Variants in BNC2 observed in about 807,000 individuals in gnomAD.
The protein encoded by BNC2 is basonuclin zinc finger protein 2.
BNC2 carries 20 observed loss-of-function variants against 76.3 expected under a neutral mutation model. That is an observed-to-expected ratio of 0.26 (90% CI 0.18 to 0.38). BNC2 has a LOEUF of 0.38. Among genes scored for constraint, BNC2 ranks in the 10% least tolerant of loss-of-function variants. BNC2 has a pLI of 1.00. For synonymous variants in BNC2, 582 were observed against 514.8 expected, an observed-to-expected ratio of 1.13 and a Z score of -1.77; for missense variants, 1,382 against 1,399.8, an observed-to-expected ratio of 0.99 and a Z score of 0.20.
At chr9:16,715,936 G>C (rs1823985339) in intron 3 of BNC2, among the ~76,000 whole-genome samples, 2 of 152,138 alleles carry the variant, frequency 1.3e-5, no homozygotes, top group African/African-American at 4.8e-5. Context: ...TGGGAAGCAA[G>C]TTTCATTTCA....
intron 3 of BNC2, among the ~76,000 whole-genome samples, chr9:16,695,244 C>T (rs569448691): frequency 3.9e-5 from 6 of 152,246 alleles, no homozygotes; most frequent in South Asian, 2.1e-4. Context: ...GAGCTACTTA[C>T]GTAATTGACT....
chr9:16,710,821 C>A (rs200355141), intron 3 of BNC2, among the ~76,000 whole-genome samples: 1 of 151,932 alleles, frequency 6.6e-6, no homozygotes, highest in East Asian at 1.9e-4. Context: ...ATACCCAGGT[C>A]CTTCATGCAA....
intron 3 of BNC2, among the ~76,000 whole-genome samples, chr9:16,587,825 G>A (rs1372522661): frequency 3.3e-5 from 5 of 152,132 alleles, no homozygotes; most frequent in Admixed American, 3.3e-4. Context: ...ATTCTTTGGA[G>A]TTCAAGTACC....
At chr9:16,797,108 A>G (rs559827492) in intron 1 of BNC2, among the ~76,000 whole-genome samples, 15 of 152,310 alleles carry the variant, frequency 9.8e-5, no homozygotes, top group Non-Finnish European at 2.9e-5. Context: ...CATTTACTAT[A>G]TCTTTCTCAG....
intron 5 of BNC2, among the ~76,000 whole-genome samples, chr9:16,481,575 T>C (rs1163127923): frequency 6.6e-6 from 1 of 152,194 alleles, no homozygotes; most frequent in Non-Finnish European, 1.5e-5. Context: ...CGCGACTTCA[T>C]TCTTGAAGTC....
At chr9:16,434,908 A>G (rs1820974160) in intron 6 of BNC2, 1 of 466,784 alleles carries the variant, frequency 2.1e-6, no homozygotes, top group African/African-American at 2.0e-5. Flanking sequence ...AACCCACACG[A>G]CCATACCATT....
intron 1 of BNC2, among the ~76,000 whole-genome samples, chr9:16,866,890 C>T (rs1273801581): frequency 6.6e-6 from 1 of 152,040 alleles, no homozygotes; most frequent in Admixed American, 6.6e-5. Flanking sequence ...AGGAGGCTAC[C>T]TCCCCTTCCA....
chr9:16,645,325 T>C (rs1286142966), intron 3 of BNC2, among the ~76,000 whole-genome samples: 1 of 152,212 alleles, frequency 6.6e-6, no homozygotes, highest in Non-Finnish European at 1.5e-5. Context: ...CTACTATTCT[T>C]TATAAAAAAT....
intron 5 of BNC2, among the ~76,000 whole-genome samples, chr9:16,549,099 A>C (rs1818578722): frequency 6.6e-6 from 1 of 152,178 alleles, no homozygotes; most frequent in Non-Finnish European, 1.5e-5. Flanking sequence ...ATACTTTTGA[A>C]AGTTCTGCTC....
At chr9:16,606,988 C>A (rs550216601) in intron 3 of BNC2, among the ~76,000 whole-genome samples, 1 of 152,212 alleles carries the variant, frequency 6.6e-6, no homozygotes, top group Non-Finnish European at 1.5e-5. Flanking sequence ...CACTCTGTCA[C>A]CCAGGCTGGA....
At position 16,544,467 on chromosome 9, in the gene BNC2, A is replaced by G. The variant is rs148014347; in HGVS notation, c.669+8063T>C. ...GCCAGAGCTTGGAAAGTATTGGAAGAGTTGATAAAATAGGGAAATATAAAG... is the reference window on the plus strand; with the variant it reads ...GCCAGAGCTTGGAAAGTATTGGAAGGGTTGATAAAATAGGGAAATATAAAG... On this transcript the variant is annotated intron_variant, in intron 5 of 6. Transcript: ENST00000380672. 9.3e-4 allele frequency among the ~76,000 whole-genome samples: 141 copies of G among 152,298 alleles called. 1 individual carries two copies. Among genetic ancestry groups the G allele is most frequent in the African/African-American group, 3.2e-3 (134 of 41,568 alleles).
At chr9:16,687,337 C>G (rs950012540) in intron 3 of BNC2, among the ~76,000 whole-genome samples, 1 of 152,146 alleles carries the variant, frequency 6.6e-6, no homozygotes, top group African/African-American at 2.4e-5. Context: ...GACCTGCTAC[C>G]TGCTCCTTGG....
intron 5 of BNC2, among the ~76,000 whole-genome samples, chr9:16,474,820 T>C (rs1166137064): frequency 6.6e-6 from 1 of 152,198 alleles, no homozygotes; most frequent in East Asian, 1.9e-4. Context: ...ACCATAGTAA[T>C]TCTAATCTCC....
intron 1 of BNC2, among the ~76,000 whole-genome samples, chr9:16,814,591 T>C (rs1427731364): frequency 2.0e-5 from 3 of 152,194 alleles, no homozygotes; most frequent in African/African-American, 7.2e-5. Flanking sequence ...CCTTTGGAAG[T>C]GTCCTCAGTA....
At chr9:16,492,672 C>G (rs1052640961) in intron 5 of BNC2, among the ~76,000 whole-genome samples, 2 of 151,062 alleles carry the variant, frequency 1.3e-5, no homozygotes, top group Admixed American at 1.3e-4. Context: ...GGTTATGCAT[C>G]GAATAAATAC....
At chr9:16,665,411 A>AGAGAGAGAGAG (rs1212363590) in intron 3 of BNC2, among the ~76,000 whole-genome samples, 1 of 115,378 alleles carries the variant, frequency 8.7e-6, no homozygotes, top group African/African-American at 3.3e-5. Context: ...AGAAAGAGAG[A>AGAGAGAGAGAG]AAAGAAAGGA....
At chr9:16,472,389 T>C (rs1159826987) in intron 5 of BNC2, among the ~76,000 whole-genome samples, 1 of 152,186 alleles carries the variant, frequency 6.6e-6, no homozygotes, top group Non-Finnish European at 1.5e-5. Flanking sequence ...GTGAGAATGA[T>C]GGAAATTAGG....
intron 1 of BNC2, among the ~76,000 whole-genome samples, chr9:16,774,662 T>C (rs962281600): frequency 1.3e-5 from 2 of 152,268 alleles, no homozygotes; most frequent in African/African-American, 2.4e-5. Context: ...ATTTGCAGTA[T>C]TGTAAGCCTG....
intron 3 of BNC2, among the ~76,000 whole-genome samples, chr9:16,714,080 C>T (rs1260816895): frequency 6.6e-6 from 1 of 152,208 alleles, no homozygotes; most frequent in African/African-American, 2.4e-5. Flanking sequence ...CACCTTGTCT[C>T]CCCTCAACCA....
Sources: gnomAD v4.1 joint callset for allele counts (sites outside exome capture counted in the v4.1 genomes callset) on GRCh38, gnomAD v4.1.1 for gene constraint, MANE v1.5 for transcripts, NCBI Gene and HGNC (gene_info 2026-07-23, HGNC 2026-07-21) for gene names.